The following MAGI2 variants were observed in gnomAD, a reference collection of about 807,000 sequenced individuals.
MAGI2 encodes membrane-associated guanylate kinase, WW and PDZ domain-containing protein 2.
A neutral mutation model predicts 133.3 loss-of-function variants in MAGI2; 35 were observed. The observed-to-expected ratio is 0.26, with a 90% confidence interval of 0.20 to 0.35. The LOEUF is 0.35. Among genes scored for constraint, MAGI2 ranks in the 10% least tolerant of loss-of-function variants. The pLI is 1.00. For missense variants in MAGI2, 1,636 were observed against 1,863.4 expected, an observed-to-expected ratio of 0.88 and a Z score of 2.25; for synonymous variants, 729 against 710.6, an observed-to-expected ratio of 1.03 and a Z score of -0.41.
chr7:79,295,514 A>G (rs957208361), intron 1 of MAGI2, among the ~76,000 whole-genome samples: 6 of 152,086 alleles, frequency 3.9e-5, no homozygotes, highest in Non-Finnish European at 7.4e-5. Flanking sequence ...TTGCTTTTCA[A>G]TTACCTCTTT....
chr7:78,722,851 A>C (rs148540859), intron 2 of MAGI2, among the ~76,000 whole-genome samples: 38 of 152,248 alleles, frequency 2.5e-4, no homozygotes, highest in Non-Finnish European at 4.4e-4. Flanking sequence ...GTTTTATAGG[A>C]TTGACCAGGA....
intron 2 of MAGI2, among the ~76,000 whole-genome samples, chr7:78,824,334 T>C (rs1184174873): frequency 2.0e-5 from 3 of 152,160 alleles, no homozygotes; most frequent in African/African-American, 7.2e-5. Flanking sequence ...TGGTTCTAGA[T>C]CCTTGAGGAA....
At chr7:78,361,231 T>C (rs1323371319) in intron 7 of MAGI2, among the ~76,000 whole-genome samples, 1 of 152,010 alleles carries the variant, frequency 6.6e-6, no homozygotes, top group African/African-American at 2.4e-5. Context: ...CCGTTTCTAC[T>C]AAAAATACAA....
intron 9 of MAGI2, among the ~76,000 whole-genome samples, chr7:78,305,784 T>C (rs935110380): frequency 1.3e-5 from 2 of 152,188 alleles, no homozygotes; most frequent in African/African-American, 2.4e-5. Flanking sequence ...GCATACCTGA[T>C]TGGTAATATA....
At chr7:79,361,595 C>T (rs1348998545) in intron 1 of MAGI2, among the ~76,000 whole-genome samples, 2 of 152,110 alleles carry the variant, frequency 1.3e-5, no homozygotes, top group East Asian at 3.9e-4. Flanking sequence ...AGTGGCTGGT[C>T]GTGGAAAGAG....
chr7:78,158,993 A>C (rs1824681601), intron 16 of MAGI2, among the ~76,000 whole-genome samples: 1 of 152,126 alleles, frequency 6.6e-6, no homozygotes, highest in South Asian at 2.1e-4. Context: ...AACAGAAGAC[A>C]GCAAGAAAAC....
intron 1 of MAGI2, among the ~76,000 whole-genome samples, chr7:79,436,487 A>T (rs554224586): frequency 2.6e-4 from 39 of 152,288 alleles, no homozygotes; most frequent in African/African-American, 9.4e-4. Flanking sequence ...ACCTATAAGG[A>T]ACTTGAACAA....
chr7:78,224,635 C>A (rs1789175307), intron 10 of MAGI2, among the ~76,000 whole-genome samples: 1 of 151,780 alleles, frequency 6.6e-6, no homozygotes, highest in Non-Finnish European at 1.5e-5. Flanking sequence ...CACCACATTC[C>A]AGCCTGGGCA....
In MAGI2 at chr7:79,136,001, A is replaced by G. The variant is rs201889844; in HGVS notation, c.302-128795T>C. Among the ~76,000 whole-genome samples, 181 of 35,680 alleles carry G rather than the reference A, an allele frequency of 5.1e-3. 1 individual carries two copies. Among genetic ancestry groups the G allele is most frequent in the East Asian group, 0.019 (22 of 1,136 alleles). 23.4% of individuals were successfully genotyped at this position (35,680 alleles called of 152,430 possible). On this transcript the variant is annotated intron_variant, in intron 1 of 21. Transcript: ENST00000354212. Reference sequence around the variant, plus strand: ...AAAGAAAGAAAGAAAGAAAGAAAGAAAGAGAAAGAAAGAAAGAAAGAAAGA... The same window carrying G: ...AAAGAAAGAAAGAAAGAAAGAAAGAGAGAGAAAGAAAGAAAGAAAGAAAGA...
At chr7:79,059,842 G>A (rs953963273) in intron 1 of MAGI2, among the ~76,000 whole-genome samples, 19 of 152,122 alleles carry the variant, frequency 1.2e-4, no homozygotes, top group Admixed American at 3.9e-4. Context: ...TGCCAAAGCA[G>A]CATGTTGCTC....
intron 2 of MAGI2, among the ~76,000 whole-genome samples, chr7:78,839,049 T>C (rs1166701876): frequency 1.3e-5 from 2 of 151,740 alleles, no homozygotes; most frequent in African/African-American, 4.8e-5. Context: ...TGAAAGGGAA[T>C]AAGACAGCAT....
chr7:78,372,514 T>A (rs1488132262), intron 6 of MAGI2, among the ~76,000 whole-genome samples: 2 of 152,154 alleles, frequency 1.3e-5, no homozygotes, highest in Non-Finnish European at 2.9e-5. Flanking sequence ...AATCTGTGGA[T>A]GATTAAGGTA....
At position 78,306,927 on chromosome 7, in the gene MAGI2, G is replaced by A. The variant is rs118157545; in HGVS notation, c.1408+36851C>T. On this transcript the variant is annotated intron_variant, in intron 9 of 21. Coordinates refer to ENST00000354212, the MANE Select transcript of MAGI2 (RefSeq NM_012301.4). ...TAAATCCTATTTAAAATAGTCAAGTGAACAGAGAGACGCATATGTCCAATT... is the reference window on the plus strand; with the variant it reads ...TAAATCCTATTTAAAATAGTCAAGTAAACAGAGAGACGCATATGTCCAATT... Among the ~76,000 whole-genome samples, 1,155 of 152,232 alleles carry A rather than the reference G, an allele frequency of 7.6e-3. 23 individuals are homozygous for A. Among genetic ancestry groups the A allele is most frequent in the Middle Eastern group, 0.02 (6 of 294 alleles).
chr7:79,026,577 A>T (rs948501876), intron 1 of MAGI2, among the ~76,000 whole-genome samples: 1 of 152,188 alleles, frequency 6.6e-6, no homozygotes, highest in Non-Finnish European at 1.5e-5. Flanking sequence ...AACCCAACTT[A>T]AAAAATGGGC....
At position 79,443,365 on chromosome 7, in the gene MAGI2, G is replaced by A. The variant is rs1848626286; in HGVS notation, c.301+9655C>T. ...GAACAAATTTGTTGTTCACTGGGGT[G>A]ACTCCCACACTAGACTGAAGAAAAG... On this transcript the variant is annotated intron_variant, in intron 1 of 21. Transcript: ENST00000354212. Among the ~76,000 whole-genome samples the A allele has an allele frequency of 2.0e-5, 3 of 151,448 alleles. No individual in the cohort carries two copies. In the East Asian group the frequency reaches 5.8e-4, roughly 30 times the overall value.
chr7:79,075,746 G>A (rs1039260505), intron 1 of MAGI2, among the ~76,000 whole-genome samples: 5 of 152,048 alleles, frequency 3.3e-5, no homozygotes, highest in African/African-American at 4.8e-5. Flanking sequence ...CCTTGGTGGA[G>A]CCAGACTCTC....
chr7:78,480,589 T>C (rs1195788052), intron 6 of MAGI2, among the ~76,000 whole-genome samples: 1 of 151,926 alleles, frequency 6.6e-6, no homozygotes, highest in Non-Finnish European at 1.5e-5. Flanking sequence ...TATTTGAAAA[T>C]CACTCAATGT....
At chr7:78,932,117 T>C (rs917357676) in intron 2 of MAGI2, among the ~76,000 whole-genome samples, 7 of 151,800 alleles carry the variant, frequency 4.6e-5, no homozygotes, top group Non-Finnish European at 7.4e-5. Context: ...AATTCCCCCA[T>C]GGAAGCACCC....
intron 10 of MAGI2, among the ~76,000 whole-genome samples, chr7:78,209,024 C>T (rs575169862): frequency 0.01 from 1,518 of 150,060 alleles, 35 homozygotes; most frequent in African/African-American, 0.028. Context: ...AGATCGAGAC[C>T]ATCTGGGCTA....
Sources: gnomAD v4.1 joint callset for allele counts (sites outside exome capture counted in the v4.1 genomes callset) on GRCh38, gnomAD v4.1.1 for gene constraint, MANE v1.5 for transcripts, NCBI Gene and HGNC (gene_info 2026-07-23, HGNC 2026-07-21) for gene names.